Variants in UACA observed in about 807,000 individuals in gnomAD.
UACA encodes the protein uveal autoantigen with coiled-coil domains and ankyrin repeats, also known as nuclear membrane binding protein.
Under a neutral mutation model 160.5 loss-of-function variants are expected in UACA, and 112 were observed. That is an observed-to-expected ratio of 0.70 (90% CI 0.60 to 0.82). The LOEUF (loss-of-function observed/expected upper bound fraction) is 0.82. Among genes scored for constraint, UACA ranks in the 40% least tolerant of loss-of-function variants. UACA has a pLI of 0.00. For missense variants in UACA, 1,574 were observed against 1,614.6 expected (o/e 0.97, Z 0.43); for synonymous variants, 557 against 568.4 (o/e 0.98, Z 0.29).
intron 13 of UACA, 104 bp downstream of exon 13, chr15:70,676,389 G>A: frequency 2.3e-6 from 2 of 877,560 alleles, no homozygotes; most frequent in South Asian, 1.8e-5. Context: ...GCAGCCCAAG[G>A]TCACACTATA....
chr15:70,726,009 T>A (rs530294633), intron 1 of UACA, among the ~76,000 whole-genome samples: 1 of 152,028 alleles, frequency 6.6e-6, no homozygotes, highest in Non-Finnish European at 1.5e-5. Flanking sequence ...TCCAAATAAA[T>A]AAATAAATAA....
At chr15:70,685,525 G>A (rs1403382917) in intron 7 of UACA, among the ~76,000 whole-genome samples, 1 of 151,928 alleles carries the variant, frequency 6.6e-6, no homozygotes, top group East Asian at 1.9e-4. Flanking sequence ...CAAAGTTTTT[G>A]TTATTTAAAA....
chr15:70,663,704 T>C (rs1386122589), intron 17 of UACA, among the ~76,000 whole-genome samples: 1 of 151,712 alleles, frequency 6.6e-6, no homozygotes, highest in Non-Finnish European at 1.5e-5. Flanking sequence ...AAAGGATGAG[T>C]TCATGTCCTT....
In UACA at chr15:70,695,057, G is replaced by C; in HGVS notation, c.261C>G (p.Ile87Met). The change falls in exon 3 of 19, where the codon ATC becomes ATG. Residue 87 changes from isoleucine (I) to methionine (M), a missense_variant. By Grantham distance (10) the Ile-to-Met change is conservative. Coordinates refer to ENST00000322954, the MANE Select transcript of UACA (RefSeq NM_018003.4). ...SKGNLECLNAILIHGVDITTS... is the reference protein window; with the variant it reads ...SKGNLECLNAMLIHGVDITTS... ...TTGTAATATCAACTCCATGTATAAG[G>C]ATGGCATTCAAACACTCAAGATTCC... 3.7e-6 allele frequency: 6 copies of C among 1,610,602 alleles called. No homozygotes were observed. Among genetic ancestry groups the C allele is most frequent in the Non-Finnish European group, 5.1e-6 (6 of 1,178,182 alleles).
intron 1 of UACA, among the ~76,000 whole-genome samples, chr15:70,745,171 C>T (rs947281715): frequency 3.9e-5 from 6 of 152,136 alleles, no homozygotes; most frequent in African/African-American, 1.4e-4. Flanking sequence ...GTGGCTCACA[C>T]CTGTAATCCC....
At chr15:70,679,526 T>A (rs1897416533) in intron 10 of UACA, 82 bp downstream of exon 10, 1 of 894,950 alleles carries the variant, frequency 1.1e-6, no homozygotes. Context: ...CCCATTCTCT[T>A]GCTTCCTCTC....
At chr15:70,689,682 T>C (rs1897857128) in intron 5 of UACA, among the ~76,000 whole-genome samples, 1 of 152,150 alleles carries the variant, frequency 6.6e-6, no homozygotes, top group Admixed American at 6.5e-5. Context: ...TTTTTTCCTT[T>C]GGCCTTATAG....
intron 1 of UACA, among the ~76,000 whole-genome samples, chr15:70,748,772 G>C (rs1380663988): frequency 6.6e-6 from 1 of 151,988 alleles, no homozygotes; most frequent in Non-Finnish European, 1.5e-5. Context: ...CTAAATAAAT[G>C]TACTGATATT....
In UACA at chr15:70,669,085, T is replaced by C. The variant is rs762325166; in HGVS notation, c.1599A>G (p.Ser533=). The change falls in exon 16 of 19, where the codon TCA becomes TCG. Residue 533 remains serine (S), a synonymous_variant. Transcript: ENST00000322954. ...LKEHLTSEAA[S]GNHRLTEELK... ...GTTCCTCGGTTAGTCTGTGATTCCC[T>C]GAGGCTGCTTCACTTGTTAAGTGTT... 3 of 1,614,114 alleles carry C rather than the reference T, an allele frequency of 1.9e-6. No homozygotes were observed. The highest frequency in any genetic ancestry group is 2.2e-5 in the South Asian group (2 of 91,078).
chr15:70,727,010 C>T lies in UACA; in HGVS notation c.79-27350G>A, dbSNP rs531577934. Among the ~76,000 whole-genome samples the T allele has an allele frequency of 2.0e-5, 3 of 152,330 alleles. No homozygotes were observed. In the South Asian group the frequency reaches 6.2e-4, roughly 32 times the overall value. Reference sequence around the variant, plus strand: ...TAATCCACATGCTCTTCCACTCTCACTATCAGCTGGAAACATTCTTTTTTG... The same window carrying T: ...TAATCCACATGCTCTTCCACTCTCATTATCAGCTGGAAACATTCTTTTTTG... On this transcript the variant is annotated intron_variant, in intron 1 of 18. Transcript: ENST00000322954.
At chr15:70,708,399 T>G (rs908829995) in intron 1 of UACA, among the ~76,000 whole-genome samples, 4 of 152,278 alleles carry the variant, frequency 2.6e-5, no homozygotes, top group South Asian at 2.1e-4. Context: ...GACAGTAAAT[T>G]TTTATGTTTC....
intron 1 of UACA, among the ~76,000 whole-genome samples, chr15:70,713,392 G>T (rs1173149020): frequency 6.6e-6 from 1 of 152,144 alleles, no homozygotes; most frequent in Non-Finnish European, 1.5e-5. Context: ...GTTAGGTTGG[G>T]TAACTGAAAA....
intron 1 of UACA, among the ~76,000 whole-genome samples, chr15:70,759,148 C>T (rs1430138259): frequency 6.6e-6 from 1 of 152,188 alleles, no homozygotes; most frequent in East Asian, 1.9e-4. Flanking sequence ...TCTAAAATGT[C>T]TGCTTACAAT....
At position 70,691,352 on chromosome 15, in the gene UACA, G is replaced by C. The variant is rs752397778; in HGVS notation, c.313C>G (p.Leu105Val). The C allele has an allele frequency of 6.2e-7, 1 of 1,608,160 alleles. No individual in the cohort carries two copies. The stretch of plus-strand genomic sequence containing the variant: ...TGTCCATACTTAGCAGCCAGGTGAA[G>C]AGCATTTCTCCCTATAAATAATTTA... ...TTSDTAGRNA[L>V]HLAAKYGHAL... Residue 105 changes from leucine to valine, a missense_variant, in exon 4 of 19, where the codon CTT becomes GTT. Transcript: ENST00000322954.
intron 1 of UACA, chr15:70,701,786 A>C (rs1898372966): frequency 7.9e-7 from 1 of 1,264,082 alleles, no homozygotes; most frequent in South Asian, 1.4e-5. Flanking sequence ...AAGCAAACCA[A>C]ATTAATAAAA....
intron 1 of UACA, among the ~76,000 whole-genome samples, chr15:70,721,535 G>C (rs1325053052): frequency 6.6e-6 from 1 of 151,674 alleles, no homozygotes; most frequent in African/African-American, 2.4e-5. Context: ...GCTGAGGCAG[G>C]AGAATGGCGT....
chr15:70,748,602 A>C (rs549785473), intron 1 of UACA, among the ~76,000 whole-genome samples: 2 of 152,118 alleles, frequency 1.3e-5, no homozygotes, highest in South Asian at 4.2e-4. Flanking sequence ...GCACACCAAC[A>C]TTCTCTTCCT....
At chr15:70,684,476 T>C (rs1897636816) in intron 7 of UACA, 30 bp from the exon 8 acceptor site, 1 of 1,581,072 alleles carries the variant, frequency 6.3e-7, no homozygotes, top group Non-Finnish European at 8.6e-7. Context: ...AGCAAAAGAC[T>C]GAGAAAACTC....
chr15:70,670,998 T>C, intron 15 of UACA, 41 bp downstream of exon 15: 1 of 1,395,902 alleles, frequency 7.2e-7, no homozygotes, highest in Non-Finnish European at 9.6e-7. Context: ...AAAAATTTTC[T>C]TTAAATGTTT....
Sources: gnomAD v4.1 joint callset for allele counts (sites outside exome capture counted in the v4.1 genomes callset) on GRCh38, gnomAD v4.1.1 for gene constraint, MANE v1.5 for transcripts, NCBI Gene and HGNC (gene_info 2026-07-23, HGNC 2026-07-21) for gene names.